LY75: variants seen among roughly 807,000 people sequenced by gnomAD.
LY75 encodes the protein C-type lectin domain family 13 member B.
In LY75, 185 loss-of-function variants were observed where a neutral mutation model predicts 231.7. That is an observed-to-expected ratio of 0.80 (90% CI 0.71 to 0.90). The LOEUF is 0.90. LY75 is among the 40% of genes least tolerant of loss of function. LY75 has a pLI of 0.00. For synonymous variants in LY75, 668 were observed against 689.0 expected, an observed-to-expected ratio of 0.97 and a Z score of 0.48; for missense variants, 1,947 against 2,050.2, an observed-to-expected ratio of 0.95 and a Z score of 0.97.
chr2:159,845,167 T>C (rs1684164874), intron 23 of LY75, among the ~76,000 whole-genome samples: 2 of 152,136 alleles, frequency 1.3e-5, no homozygotes, highest in South Asian at 2.1e-4. Context: ...TAAATAGATA[T>C]ATCAAATTCA....
At chr2:159,865,011 GCA>G in intron 13 of LY75, 91 bp from the exon 14 acceptor site, 4 of 1,179,534 alleles carry the variant, frequency 3.4e-6, no homozygotes, top group East Asian at 5.5e-5. Context: ...TAATTGAAAA[GCA>G]CAGTTTCAAG....
At chr2:159,887,434 T>C (rs1034643417) in intron 4 of LY75, among the ~76,000 whole-genome samples, 2 of 151,634 alleles carry the variant, frequency 1.3e-5, no homozygotes, top group Non-Finnish European at 2.9e-5. Flanking sequence ...GGCGTGTGCC[T>C]GTAATCCCAG....
chr2:159,871,159 A>G (rs1442217341), intron 13 of LY75, among the ~76,000 whole-genome samples: 1 of 152,140 alleles, frequency 6.6e-6, no homozygotes, highest in African/African-American at 2.4e-5. Context: ...CATATTAGTT[A>G]TATTTACTAA....
chr2:159,893,875 TA>T, intron 3 of LY75, 38 bp downstream of exon 3: 1 of 1,567,666 alleles, frequency 6.4e-7, no homozygotes. Context: ...CATATAAATG[TA>T]CTACCTTTCC....
intron 14 of LY75, among the ~76,000 whole-genome samples, chr2:159,862,287 G>A (rs1345680765): frequency 3.9e-5 from 2 of 51,122 alleles, no homozygotes; most frequent in Non-Finnish European, 5.2e-5. Context: ...GTGAGACTAC[G>A]TCTCAAAAAA....
At chr2:159,842,441 G>A (rs748776195) in intron 23 of LY75, 67 bp from the exon 24 acceptor site, 151 of 1,489,190 alleles carry the variant, frequency 1.0e-4, no homozygotes, top group Non-Finnish European at 1.3e-4. Context: ...AGCAAGAAAA[G>A]TTTAGATTCT....
chr2:159,818,692 C>A (rs1683195555), intron 29 of LY75, among the ~76,000 whole-genome samples: 2 of 151,988 alleles, frequency 1.3e-5, no homozygotes, highest in African/African-American at 4.8e-5. Context: ...AAGTAATATG[C>A]CAACAGTAGG....
At position 159,850,124 on chromosome 2, in the gene LY75, C is replaced by A. The variant is rs1684338213; in HGVS notation, c.3006G>T (p.Leu1002Phe). 2 of 1,609,638 alleles carry A rather than the reference C, an allele frequency of 1.2e-6. No individual in the cohort carries two copies. The highest frequency in any genetic ancestry group is 1.7e-6 in the Non-Finnish European group (2 of 1,178,944). ...SQIEQDFITS[L>F]LPDMEATLWI... ...ATAAAGTAGCTTCCATATCCGGAAG[C>A]AAGGATGTAATAAAGTCTGTTAGAA... Residue 1002 changes from leucine to phenylalanine, a missense_variant, in exon 23 of 35, where the codon TTG becomes TTT. Leu to Phe is a conservative substitution (Grantham distance 22). Coordinates refer to ENST00000263636, the MANE Select transcript of LY75 (RefSeq NM_002349.4).
rs929306062 is a variant in LY75 at position 159,826,449 on chromosome 2, A to G, written c.3958+5221T>C. ...GAACTACAAACCACTGCTCAAGGAA[A>G]TAAAAGAGGACACAAACAAATGGAA... On this transcript the variant is annotated intron_variant, in intron 28 of 34. Transcript: ENST00000263636. Among the ~76,000 whole-genome samples the G allele has an allele frequency of 3.3e-4, 50 of 152,236 alleles. 1 individual carries two copies. The highest frequency in any genetic ancestry group is 5.9e-5 in the Non-Finnish European group (4 of 68,048).
chr2:159,861,769 T>C (rs1684708609), intron 14 of LY75, among the ~76,000 whole-genome samples: 1 of 152,144 alleles, frequency 6.6e-6, no homozygotes, highest in Non-Finnish European at 1.5e-5. Context: ...AAAGATATTT[T>C]ATTTTTTGTA....
At chr2:159,853,382 G>A (rs367785901) in intron 19 of LY75, 30 bp from the exon 20 acceptor site, 433 of 1,608,376 alleles carry the variant, frequency 2.7e-4, no homozygotes, top group Middle Eastern at 3.3e-4. Flanking sequence ...TTGACAACTC[G>A]TAATGTAATT....
chr2:159,834,334 CCTGT>C, intron 26 of LY75, 123 bp from the exon 27 acceptor site: 2 of 1,281,662 alleles, frequency 1.6e-6, no homozygotes, highest in Non-Finnish European at 2.1e-6. Context: ...CCTGGTGAAG[CCTGT>C]CTCTGTTTAT....
Position 159,808,498 on chromosome 2 carries a change from A to G in LY75, c.4773T>C (p.Asn1591=), listed in dbSNP as rs753504082. 5.6e-6 allele frequency: 9 copies of G among 1,613,818 alleles called. No homozygotes were observed. The highest frequency in any genetic ancestry group is 1.3e-5 in the African/African-American group (1 of 74,936). The change falls in exon 33 of 35, where the codon AAT becomes AAC. Residue 1591 remains asparagine (N), a synonymous_variant. Transcript: ENST00000263636. ...NKFVSRLMRE[N]NNITMRVWLG... is the part of the protein sequence containing the mutation. Reference sequence around the variant, plus strand: ...GCCAAACTCTCATGGTAATGTTATTATTTTCCCTCATCAGTCTGCTCACAA... The same window carrying G: ...GCCAAACTCTCATGGTAATGTTATTGTTTTCCCTCATCAGTCTGCTCACAA...
In LY75 at chr2:159,834,184, A is replaced by C. The variant is rs757664931; in HGVS notation, c.3701T>G (p.Val1234Gly). The change falls in exon 27 of 35, where the codon GTT becomes GGT. Residue 1234 changes from valine (V) to glycine (G), a missense_variant. Coordinates refer to ENST00000263636, the MANE Select transcript of LY75 (RefSeq NM_002349.4). The part of the protein sequence containing the change: ...GNETEKEVKP[V>G]DSVKCPSPVL... Reference sequence around the variant, plus strand: ...AGGAGATGGACATTTAACACTGTCAACTGGTTTGACCTCTTTTTCAGTCTC... The same window carrying C: ...AGGAGATGGACATTTAACACTGTCACCTGGTTTGACCTCTTTTTCAGTCTC... The C allele has an allele frequency of 6.2e-7, 1 of 1,613,946 alleles. No homozygotes were observed. The highest frequency in any genetic ancestry group is 8.5e-7 in the Non-Finnish European group (1 of 1,179,902).
At position 159,850,076 on chromosome 2, in the gene LY75, G is replaced by A; in HGVS notation, c.3054C>T (p.Ala1018=). The change falls in exon 23 of 35, where the codon GCC becomes GCT. Residue 1018 remains alanine, a synonymous_variant. Coordinates refer to ENST00000263636, the MANE Select transcript of LY75 (RefSeq NM_002349.4). ...CTGTCCATTTGTTTATCTTTTCATA[G>A]GCAGTCCAGCGCAAACCAATCCATA... ...ATLWIGLRWT[A]YEKINKWTDN... 6.2e-7 allele frequency: 1 copy of A among 1,613,878 alleles called. No individual in the cohort carries two copies. The highest frequency in any genetic ancestry group is 8.5e-7 in the Non-Finnish European group (1 of 1,179,906).
At chr2:159,856,583 G>A (rs1267897004) in intron 16 of LY75, among the ~76,000 whole-genome samples, 4 of 151,980 alleles carry the variant, frequency 2.6e-5, no homozygotes, top group African/African-American at 7.2e-5. Flanking sequence ...GGTACAGTAC[G>A]GTCAAAAAAG....
At chr2:159,835,337 CACA>C in intron 26 of LY75, 140 bp downstream of exon 26, 1 of 830,988 alleles carries the variant, frequency 1.2e-6, no homozygotes, top group Non-Finnish European at 1.7e-6. Context: ...TACAAATTTT[CACA>C]ACAAATGTTG....
intron 26 of LY75, 133 bp downstream of exon 26, chr2:159,835,347 G>A (rs145108735): frequency 6.6e-6 from 6 of 911,742 alleles, no homozygotes; most frequent in African/African-American, 3.4e-5. Context: ...CACAACAAAT[G>A]TTGCCATAAA....
chr2:159,829,170 T>C (rs573174519), intron 28 of LY75, among the ~76,000 whole-genome samples: 1 of 152,348 alleles, frequency 6.6e-6, no homozygotes, highest in South Asian at 2.1e-4. Flanking sequence ...TTTCTGGTCT[T>C]CATTGATTAC....
Sources: allele counts gnomAD v4.1 joint callset (sites outside exome capture counted in the v4.1 genomes callset), GRCh38; gene constraint gnomAD v4.1.1; transcripts MANE v1.5; gene names NCBI Gene and HGNC (gene_info 2026-07-23, HGNC 2026-07-21).